INPP5D: variants seen among roughly 807,000 people sequenced by gnomAD.
INPP5D encodes phosphatidylinositol 3,4,5-trisphosphate 5-phosphatase 1.
INPP5D carries 33 observed loss-of-function variants against 122.9 expected under a neutral mutation model. The ratio of observed to expected loss-of-function variants is 0.27; its 90% CI spans 0.20 to 0.36. The LOEUF is 0.36. Ranked by LOEUF, INPP5D falls within the 10% of genes least tolerant of loss-of-function variation. The pLI is 1.00. For synonymous variants in INPP5D, 584 were observed against 576.2 expected, an observed-to-expected ratio of 1.01 and a Z score of -0.19; for missense variants, 1,053 against 1,412.7, an observed-to-expected ratio of 0.75 and a Z score of 4.08.
chr2:233,140,075 G>T (rs1360712390), intron 6 of INPP5D, 146 bp downstream of exon 6: 3 of 387,872 alleles, frequency 7.7e-6, no homozygotes, highest in Non-Finnish European at 1.4e-5. Context: ...CATGGGTTGG[G>T]GGTGGGAGCC....
intron 5 of INPP5D, among the ~76,000 whole-genome samples, chr2:233,135,917 G>A (rs1432372468): frequency 6.6e-6 from 1 of 152,138 alleles, no homozygotes; most frequent in African/African-American, 2.4e-5. Flanking sequence ...AGCAGAAAGT[G>A]TTCATTCTGT....
At chr2:233,064,603 C>T (rs185015199) in intron 1 of INPP5D, among the ~76,000 whole-genome samples, 9 of 152,302 alleles carry the variant, frequency 5.9e-5, no homozygotes, top group East Asian at 1.9e-4. Flanking sequence ...ATGGGGAAAC[C>T]GAGGTGCAGA....
intron 13 of INPP5D, among the ~76,000 whole-genome samples, chr2:233,166,152 C>T (rs1264735973): frequency 1.3e-5 from 2 of 152,218 alleles, no homozygotes; most frequent in African/African-American, 4.8e-5. Context: ...CGCCCACGCC[C>T]TCCTGCTGCC....
chr2:233,205,038 T>G (rs1695456947), intron 26 of INPP5D: 2 of 322,708 alleles, frequency 6.2e-6, no homozygotes, highest in Non-Finnish European at 1.1e-5. Context: ...AGGAAGAAGA[T>G]TCCATAAAGA....
At chr2:233,085,933 T>C (rs927475835) in intron 2 of INPP5D, among the ~76,000 whole-genome samples, 1 of 152,198 alleles carries the variant, frequency 6.6e-6, no homozygotes, top group Non-Finnish European at 1.5e-5. Context: ...CCCCAGATCA[T>C]GGGCCTGTTT....
At chr2:233,107,344 T>C (rs1011633073) in intron 2 of INPP5D, among the ~76,000 whole-genome samples, 1 of 152,144 alleles carries the variant, frequency 6.6e-6, no homozygotes, top group Admixed American at 6.5e-5. Flanking sequence ...CAGGCCCCCA[T>C]TGGCTATCTT....
intron 9 of INPP5D, among the ~76,000 whole-genome samples, chr2:233,148,371 G>C (rs1693824880): frequency 6.6e-6 from 1 of 152,350 alleles, no homozygotes; most frequent in Middle Eastern, 3.4e-3. Context: ...GGCAAGAGGG[G>C]ATAGTGTAGA....
chr2:233,105,931 A>G lies in INPP5D; in HGVS notation c.199-16176A>G, dbSNP rs1463599775. 1.3e-5 allele frequency among the ~76,000 whole-genome samples: 2 copies of G among 152,166 alleles called. No homozygotes were observed. The highest frequency in any genetic ancestry group is 4.8e-5 in the African/African-American group (2 of 41,440). On this transcript the variant is annotated intron_variant, in intron 2 of 26. Transcript: ENST00000445964. This position sits in a 1 kb window ranked among gnomAD's most constrained non-coding sequence, Gnocchi z 4.0. ...GACAGTGGCCACTGGGAGGTCAGAGAGCAGTCGCTATGGGAATGAGCATGT... is the reference window on the plus strand; with the variant it reads ...GACAGTGGCCACTGGGAGGTCAGAGGGCAGTCGCTATGGGAATGAGCATGT...
chr2:233,139,571 A>C (rs904224722), intron 5 of INPP5D, among the ~76,000 whole-genome samples: 176 of 151,956 alleles, frequency 1.2e-3, no homozygotes, highest in African/African-American at 4.0e-3. Context: ...CTCAGATTTG[A>C]ATTTTCTACA....
rs34084880 is a variant in INPP5D, at chr2:233,116,248, G to GATAGATAGAT, written c.199-5852_199-5851insGATATAGATA. Among the ~76,000 whole-genome samples the GATAGATAGAT allele has an allele frequency of 5.3e-3, 710 of 135,228 alleles. 1 individual carries two copies. Among genetic ancestry groups the GATAGATAGAT allele is most frequent in the Middle Eastern group, 0.022 (6 of 274 alleles). 88.7% of individuals were successfully genotyped at this position (135,228 alleles called of 152,430 possible). On this transcript the variant is annotated intron_variant, in intron 2 of 26. Coordinates refer to ENST00000445964, the MANE Select transcript of INPP5D (RefSeq NM_001017915.3). ...ATGTAGATAGATAGATAGATAGATA[G>GATAGATAGAT]ATAGATATAGATATAGATATAGATA...
chr2:233,086,119 C>CTCCTTTCTTTCTT (rs1691825925), intron 2 of INPP5D, among the ~76,000 whole-genome samples: 4 of 93,828 alleles, frequency 4.3e-5, no homozygotes, highest in African/African-American at 8.1e-5. Context: ...ATAAGATAGC[C>CTCCTTTCTTTCTT]TCTTTCTTTC....
chr2:233,110,865 C>T (rs1692604779), intron 2 of INPP5D, among the ~76,000 whole-genome samples: 1 of 151,516 alleles, frequency 6.6e-6, no homozygotes, highest in Non-Finnish European at 1.5e-5. Flanking sequence ...GCGGAGGTTG[C>T]AGTGAGCCAA....
At position 233,163,756 on chromosome 2, in the gene INPP5D, G is replaced by A. The variant is rs756187010; in HGVS notation, c.1290G>A (p.Gly430=). 8 of 1,613,820 alleles carry A rather than the reference G, an allele frequency of 5.0e-6. No homozygotes were observed. Among genetic ancestry groups the A allele is most frequent in the Non-Finnish European group, 6.8e-6 (8 of 1,179,898 alleles). ...TCACGTCCTGGTTTCTCTCCAAGGG[G>A]CAGGGAAAGACGCGGGACGACTCTG... ...KKITSWFLSK[G]QGKTRDDSAD... The change falls in exon 12 of 27, where the codon GGG becomes GGA. Residue 430 remains glycine (G), a synonymous_variant. Coordinates refer to ENST00000445964, the MANE Select transcript of INPP5D (RefSeq NM_001017915.3).
At chr2:233,124,418 G>A (rs1693091646) in intron 3 of INPP5D, among the ~76,000 whole-genome samples, 1 of 152,234 alleles carries the variant, frequency 6.6e-6, no homozygotes, top group Admixed American at 6.5e-5. Context: ...TTGTGCAGCT[G>A]TTCGTTTCCA....
chr2:233,121,967 A>G, intron 2 of INPP5D, 140 bp from the exon 3 acceptor site: 1 of 889,442 alleles, frequency 1.1e-6, no homozygotes, highest in Non-Finnish European at 1.7e-6. Context: ...AGGGTCACAC[A>G]CCCTGCGTAG....
At position 233,146,458 on chromosome 2, in the gene INPP5D, C is replaced by A. The variant is rs565606610; in HGVS notation, c.906+20C>A. 7.1e-6 allele frequency: 5 copies of A among 703,732 alleles called. No individual in the cohort carries two copies. Among genetic ancestry groups the A allele is most frequent in the African/African-American group, 7.0e-5 (4 of 57,378 alleles). 43.6% of individuals were successfully genotyped at this position (703,732 alleles called of 1,614,324 possible). On this transcript the variant is annotated intron_variant, in intron 8 of 26. Transcript: ENST00000445964. ...TTTGAGGTAAGTGGCCATGGGACAGCAGAGCCTGGGCTTGGGCTCCACAGC... is the reference window on the plus strand; with the variant it reads ...TTTGAGGTAAGTGGCCATGGGACAGAAGAGCCTGGGCTTGGGCTCCACAGC...
At chr2:233,061,330 T>C (rs1048408668) in intron 1 of INPP5D, among the ~76,000 whole-genome samples, 1 of 151,246 alleles carries the variant, frequency 6.6e-6, no homozygotes, top group African/African-American at 2.4e-5. Flanking sequence ...AACCAGCCAC[T>C]TGCTGAAGGT....
intron 2 of INPP5D, among the ~76,000 whole-genome samples, chr2:233,102,571 C>T (rs929369311): frequency 1.2e-4 from 18 of 152,154 alleles, no homozygotes; most frequent in African/African-American, 3.6e-4. Flanking sequence ...AAAACCACAG[C>T]GCCTCGGTGG....
intron 1 of INPP5D, among the ~76,000 whole-genome samples, chr2:233,071,657 C>G (rs1296598965): frequency 1.3e-5 from 2 of 152,154 alleles, no homozygotes; most frequent in African/African-American, 2.4e-5. Flanking sequence ...AATATTCAGT[C>G]TTAACAAATA....
Sources: gnomAD v4.1 joint callset for allele counts (sites outside exome capture counted in the v4.1 genomes callset) on GRCh38, gnomAD v4.1.1 for gene constraint, Gnocchi (gnomAD v3.1) non-coding constraint, MANE v1.5 for transcripts, NCBI Gene and HGNC (gene_info 2026-07-23, HGNC 2026-07-21) for gene names.